Variants in ANO3 observed in about 807,000 individuals in gnomAD.
The protein encoded by ANO3 is anoctamin 3.
A neutral mutation model predicts 144.8 loss-of-function variants in ANO3; 99 were observed. The observed-to-expected ratio is 0.68, with a 90% CI of 0.58 to 0.81. The LOEUF (loss-of-function observed/expected upper bound fraction) is 0.81. ANO3 is among the 30% of genes least tolerant of loss of function. ANO3 has a pLI of 0.00. For synonymous variants in ANO3, 414 were observed against 392.6 expected (o/e 1.05, Z -0.64); for missense variants, 905 against 1,202.2 (o/e 0.75, Z 3.66).
At chr11:26,381,066 G>A (rs1856578005) in intron 1 of ANO3, among the ~76,000 whole-genome samples, 2 of 152,030 alleles carry the variant, frequency 1.3e-5, no homozygotes, top group African/African-American at 2.4e-5. Flanking sequence ...ACTGAATCGA[G>A]GCCCCTGATG....
chr11:26,192,064 ATTTG>A (rs1851489315), intron 1 of ANO3, among the ~76,000 whole-genome samples: 1 of 152,148 alleles, frequency 6.6e-6, no homozygotes. Flanking sequence ...CATAAGGTAT[ATTTG>A]TTTAAGTCAA....
rs201712393 is a variant in ANO3 at position 26,595,460 on chromosome 11, G to GTTTTTTTTTTTTTT, written c.1448-2891_1448-2878dup. On this transcript the variant is annotated intron_variant, in intron 14 of 26. Transcript: ENST00000256737. ...TTTGACTCAGTATTGAGATAGAGTTGTTTTTTTTTTTTTTTTTTTTTTTTT... is the reference window on the plus strand; with the variant it reads ...TTTGACTCAGTATTGAGATAGAGTTGTTTTTTTTTTTTTTTTTTTTTTTTTTTTTTTTTTTTTTT... Among the ~76,000 whole-genome samples, 255 of 101,316 alleles carry GTTTTTTTTTTTTTT rather than the reference G, an allele frequency of 2.5e-3. 15 individuals are homozygous for GTTTTTTTTTTTTTT. The highest frequency in any genetic ancestry group is 6.7e-3 in the Middle Eastern group (1 of 150). 66.5% of individuals were successfully genotyped at this position (101,316 alleles called of 152,430 possible).
chr11:26,599,956 AT>A (rs1487456260), intron 17 of ANO3, among the ~76,000 whole-genome samples: 1 of 152,096 alleles, frequency 6.6e-6, no homozygotes, highest in Non-Finnish European at 1.5e-5. Flanking sequence ...TTATAATCTG[AT>A]TAGTGATAGC....
intron 1 of ANO3, among the ~76,000 whole-genome samples, chr11:26,253,100 A>G (rs1590217360): frequency 6.6e-6 from 1 of 152,234 alleles, no homozygotes; most frequent in East Asian, 1.9e-4. Flanking sequence ...ACAGAAGGCA[A>G]GCCCTTTCAT....
chr11:26,364,140 T>C (rs1856000907), intron 1 of ANO3, among the ~76,000 whole-genome samples: 1 of 152,212 alleles, frequency 6.6e-6, no homozygotes. Context: ...CACTGACTTA[T>C]GTGGGTCCAT....
At chr11:26,306,392 A>C (rs1322531912), upstream of ANO3, among the ~76,000 whole-genome samples, 1 of 152,116 alleles carries the variant, frequency 6.6e-6, no homozygotes. Context: ...TCCCGAATGC[A>C]TGGATAGAAT....
intron 3 of ANO3, among the ~76,000 whole-genome samples, chr11:26,452,041 G>A (rs1224594665): frequency 1.3e-5 from 2 of 152,112 alleles, no homozygotes; most frequent in East Asian, 1.9e-4. Flanking sequence ...CTGTTAGAAG[G>A]AAAACTAACA....
At chr11:26,313,708 A>G (rs1179679843) in intron 1 of ANO3, among the ~76,000 whole-genome samples, 1 of 151,870 alleles carries the variant, frequency 6.6e-6, no homozygotes, top group Admixed American at 6.6e-5. Context: ...AAAAAGAAAG[A>G]AAGAAAATTA....
chr11:26,420,598 G>C (rs1332483749), intron 1 of ANO3, among the ~76,000 whole-genome samples: 1 of 152,030 alleles, frequency 6.6e-6, no homozygotes, highest in Non-Finnish European at 1.5e-5. Context: ...GTTTGGCAGT[G>C]GCTGTAATCC....
intron 1 of ANO3, among the ~76,000 whole-genome samples, chr11:26,207,597 A>C (rs1253786294): frequency 6.6e-6 from 1 of 152,118 alleles, no homozygotes; most frequent in East Asian, 1.9e-4. Flanking sequence ...TAACGACCAA[A>C]TGAGAAAGGC....
Position 26,615,414 on chromosome 11 carries a change from A to ATATATATATATATT in ANO3, c.1837-9047_1837-9046insATATATATATATTT, listed in dbSNP as rs1352935016. Among the ~76,000 whole-genome samples, 97 of 130,666 alleles carry ATATATATATATATT rather than the reference A, an allele frequency of 7.4e-4. 1 individual carries two copies. Among genetic ancestry groups the ATATATATATATATT allele is most frequent in the Non-Finnish European group, 1.2e-3 (73 of 62,522 alleles). The allele number at this position is 130,666 out of a possible 152,430, so 85.7% of individuals were successfully genotyped here. A position where few individuals can be genotyped will look rare whatever the true frequency, so the allele number is the denominator to read the frequency against. ...TCAGTTTATATATATATATATATAT[A>ATATATATATATATT]TTTTTTTTTTTTCAGTTCCTCAATG... On this transcript the variant is annotated intron_variant, in intron 17 of 26. Transcript: ENST00000256737.
intron 1 of ANO3, among the ~76,000 whole-genome samples, chr11:26,190,872 C>A (rs775445460): frequency 6.6e-6 from 1 of 152,194 alleles, no homozygotes; most frequent in Non-Finnish European, 1.5e-5. Context: ...TGAAATGCTT[C>A]CTCCTTTTTG....
At chr11:26,326,669 G>A (rs1290171272) in intron 1 of ANO3, among the ~76,000 whole-genome samples, 1 of 152,146 alleles carries the variant, frequency 6.6e-6, no homozygotes, top group Non-Finnish European at 1.5e-5. Flanking sequence ...TCTCTGGAAA[G>A]TAAATATATA....
chr11:26,569,238 C>A (rs1850721857), intron 14 of ANO3, among the ~76,000 whole-genome samples: 1 of 152,088 alleles, frequency 6.6e-6, no homozygotes. Context: ...GTATCAACAC[C>A]CCCAAACGTG....
intron 4 of ANO3, among the ~76,000 whole-genome samples, chr11:26,496,588 A>G (rs1860950931): frequency 6.6e-6 from 1 of 152,146 alleles, no homozygotes; most frequent in Non-Finnish European, 1.5e-5. Context: ...TTACATTGAT[A>G]TATTATGTAG....
chr11:26,636,427 A>G (rs1852960648), intron 20 of ANO3, among the ~76,000 whole-genome samples: 2 of 152,200 alleles, frequency 1.3e-5, no homozygotes, highest in Non-Finnish European at 2.9e-5. Flanking sequence ...TATGAAATCA[A>G]TATGAAAAAG....
rs111495857 is a variant in ANO3 at position 26,267,138 on chromosome 11, T to C, written c.155-42507T>C. Among the ~76,000 whole-genome samples, 716 of 150,016 alleles carry C rather than the reference T, an allele frequency of 4.8e-3. 3 individuals carry two copies. Among genetic ancestry groups the C allele is most frequent in the Non-Finnish European group, 8.0e-3 (542 of 67,424 alleles). ...AAGAAAAGAAAAAGACTTTTGTATA[T>C]AAAGTCAAACATGGGCATGTATGAG... On this transcript the variant is annotated intron_variant, in intron 1 of 27. Transcript: ENST00000672621.
At chr11:26,405,173 C>T (rs754020792) in intron 1 of ANO3, among the ~76,000 whole-genome samples, 1 of 151,568 alleles carries the variant, frequency 6.6e-6, no homozygotes, top group Non-Finnish European at 1.5e-5. Flanking sequence ...AAATCTTCAG[C>T]ATCAAAAATA....
intron 3 of ANO3, among the ~76,000 whole-genome samples, chr11:26,444,184 T>C (rs1858626098): frequency 6.6e-6 from 1 of 152,212 alleles, no homozygotes; most frequent in Non-Finnish European, 1.5e-5. Flanking sequence ...GATTCTATCC[T>C]GGCCCATCAT....
Sources: allele counts gnomAD v4.1 joint callset (sites outside exome capture counted in the v4.1 genomes callset), GRCh38; gene constraint gnomAD v4.1.1; transcripts MANE v1.5; gene names NCBI Gene and HGNC (gene_info 2026-07-23, HGNC 2026-07-21).